Variants in TTC28 observed in about 807,000 individuals in gnomAD.
The protein encoded by TTC28 is tetratricopeptide repeat domain 28.
Under a neutral mutation model 198.0 loss-of-function variants are expected in TTC28, and 61 were observed. The observed-to-expected ratio is 0.31, with a 90% CI of 0.25 to 0.38. The LOEUF (loss-of-function observed/expected upper bound fraction) is 0.38. Among genes scored for constraint, TTC28 ranks in the 10% least tolerant of loss-of-function variants. The probability of loss-of-function intolerance (pLI) is 1.00; values close to 1 mark genes in which losing one functional copy is unlikely to be tolerated. For missense variants in TTC28, 2,678 were observed against 3,164.0 expected, an observed-to-expected ratio of 0.85 and a Z score of 3.69; for synonymous variants, 1,171 against 1,297.8, an observed-to-expected ratio of 0.90 and a Z score of 2.10.
chr22:27,996,837 G>A (rs920979115), intron 16 of TTC28, among the ~76,000 whole-genome samples: 10 of 152,220 alleles, frequency 6.6e-5, no homozygotes, highest in African/African-American at 2.4e-4. Flanking sequence ...GATCATGTAG[G>A]GAAAGGGTTT....
chr22:28,298,793 A>T (rs2044955526), intron 3 of TTC28, among the ~76,000 whole-genome samples: 2 of 152,164 alleles, frequency 1.3e-5, no homozygotes, highest in South Asian at 4.1e-4. Context: ...AACCCTGTCC[A>T]TATTTTTTCC....
intron 1 of TTC28, among the ~76,000 whole-genome samples, chr22:28,635,976 G>A (rs1230272212): frequency 4.2e-4 from 64 of 151,862 alleles, no homozygotes; most frequent in Admixed American, 7.2e-4. Flanking sequence ...CTTGTCCCCT[G>A]ATAACCACCC....
At chr22:28,433,365 G>A (rs773235136) in intron 2 of TTC28, among the ~76,000 whole-genome samples, 1 of 151,910 alleles carries the variant, frequency 6.6e-6, no homozygotes, top group Non-Finnish European at 1.5e-5. Context: ...CAGTGGATAC[G>A]GCCCTCCCCC....
intron 5 of TTC28, among the ~76,000 whole-genome samples, chr22:28,192,070 G>A (rs1271016189): frequency 3.3e-5 from 5 of 151,852 alleles, no homozygotes; most frequent in Non-Finnish European, 5.9e-5. Flanking sequence ...TCACACGGCC[G>A]GGTACTCCTC....
intron 2 of TTC28, among the ~76,000 whole-genome samples, chr22:28,490,917 C>G (rs2048367920): frequency 6.6e-6 from 1 of 152,178 alleles, no homozygotes; most frequent in African/African-American, 2.4e-5. Context: ...CCTCTGATAT[C>G]ACTAGAAATG....
rs17486417 is a variant in TTC28, at chr22:28,163,132, G to C, written c.1401C>G (p.Leu467=). 205,584 of 1,551,468 alleles carry C rather than the reference G, an allele frequency of 0.13. 14,393 individuals are homozygous for C. Among genetic ancestry groups the C allele is most frequent in the Middle Eastern group, 0.23 (1,389 of 5,988 alleles). ...CTCGCCCCTCTGCAGCCCGGTCCTT[G>C]AGATCCTCAGCAATGCCCAGCTGCT... is the stretch of plus-strand genomic sequence containing the variant. The part of the protein sequence containing the change: ...HEQQLGIAED[L]KDRAAEGRAS... The change falls in exon 6 of 23, where the codon CTC becomes CTG. Residue 467 remains leucine (L), a synonymous_variant. Transcript: ENST00000397906.
chr22:28,363,867 AC>A (rs2145968276), intron 2 of TTC28, among the ~76,000 whole-genome samples: 1 of 152,186 alleles, frequency 6.6e-6, no homozygotes, highest in East Asian at 1.9e-4. Context: ...GCTGTATTTT[AC>A]CCAATGCCTG....
intron 5 of TTC28, among the ~76,000 whole-genome samples, chr22:28,219,365 C>T (rs924740725): frequency 4.6e-5 from 7 of 151,934 alleles, no homozygotes; most frequent in African/African-American, 7.3e-5. Flanking sequence ...AAAAATTAGC[C>T]AGGCATGGTG....
chr22:28,070,485 T>C (rs983909625), intron 12 of TTC28, among the ~76,000 whole-genome samples: 1 of 152,020 alleles, frequency 6.6e-6, no homozygotes, highest in Non-Finnish European at 1.5e-5. Flanking sequence ...AAAACATCAT[T>C]AAAAGGCAAG....
At chr22:28,106,079 C>T (rs1942291627) in intron 7 of TTC28, among the ~76,000 whole-genome samples, 2 of 152,194 alleles carry the variant, frequency 1.3e-5, no homozygotes, top group South Asian at 4.1e-4. Flanking sequence ...TATTAATAGG[C>T]ACAATGATAG....
At chr22:28,101,901 A>G (rs535773326) in intron 8 of TTC28, among the ~76,000 whole-genome samples, 11 of 151,950 alleles carry the variant, frequency 7.2e-5, no homozygotes, top group Non-Finnish European at 1.3e-4. Flanking sequence ...CTGTGTTGGT[A>G]GCAACATTTC....
intron 13 of TTC28, among the ~76,000 whole-genome samples, chr22:28,022,952 C>T (rs369023290): frequency 2.6e-5 from 4 of 152,348 alleles, no homozygotes; most frequent in South Asian, 2.1e-4. Flanking sequence ...AAGCTGCGGG[C>T]GCTTCTACCT....
At chr22:28,509,207 A>T (rs1203328478) in intron 2 of TTC28, among the ~76,000 whole-genome samples, 3 of 152,084 alleles carry the variant, frequency 2.0e-5, no homozygotes, top group East Asian at 1.9e-4. Context: ...AAAAAAAAAA[A>T]ATACTCTCTA....
chr22:27,989,731 G>T, intron 21 of TTC28, 147 bp downstream of exon 21: 1 of 1,067,696 alleles, frequency 9.4e-7, no homozygotes, highest in Non-Finnish European at 1.3e-6. Flanking sequence ...ACATGCGTGA[G>T]CCACTGTACC....
chr22:28,165,178 T>A (rs927121241), intron 5 of TTC28, among the ~76,000 whole-genome samples: 1 of 152,130 alleles, frequency 6.6e-6, no homozygotes, highest in Non-Finnish European at 1.5e-5. Context: ...TGGGACTATG[T>A]GAAAAGACCA....
At chr22:28,435,905 A>G (rs1266573523) in intron 2 of TTC28, among the ~76,000 whole-genome samples, 3 of 152,208 alleles carry the variant, frequency 2.0e-5, no homozygotes, top group Non-Finnish European at 2.9e-5. Context: ...CTGATATCAC[A>G]TGATCAGTTG....
intron 5 of TTC28, among the ~76,000 whole-genome samples, chr22:28,290,003 G>A (rs919367762): frequency 5.9e-5 from 9 of 151,884 alleles, no homozygotes; most frequent in Non-Finnish European, 1.2e-4. Context: ...CAGCCTAGGC[G>A]ACAGAGCGAG....
At chr22:28,432,051 C>T (rs545386929) in intron 2 of TTC28, among the ~76,000 whole-genome samples, 11 of 151,798 alleles carry the variant, frequency 7.2e-5, no homozygotes, top group Middle Eastern at 3.4e-3. Flanking sequence ...TTTGGGAGGC[C>T]GAGGTGGGCG....
chr22:28,387,385 T>C (rs1601727779), intron 2 of TTC28, among the ~76,000 whole-genome samples: 2 of 152,350 alleles, frequency 1.3e-5, no homozygotes, highest in South Asian at 2.1e-4. Flanking sequence ...GGTCAAATGC[T>C]ATTTCTAGTT....
Sources: allele counts gnomAD v4.1 joint callset (sites outside exome capture counted in the v4.1 genomes callset), GRCh38; gene constraint gnomAD v4.1.1; transcripts MANE v1.5; gene names NCBI Gene and HGNC (gene_info 2026-07-23, HGNC 2026-07-21).